The following STXBP5L variants were observed in gnomAD, a reference collection of about 807,000 sequenced individuals.
The protein encoded by STXBP5L is syntaxin-binding protein 5-like.
STXBP5L carries 65 observed loss-of-function variants against 144.5 expected under a neutral mutation model. That is an observed-to-expected ratio of 0.45 (90% CI 0.37 to 0.55). The LOEUF is 0.55. STXBP5L is among the 20% of genes least tolerant of loss of function. The pLI is 0.00. For synonymous variants in STXBP5L, 505 were observed against 469.6 expected (o/e 1.08, Z -0.97); for missense variants, 1,298 against 1,405.5 (o/e 0.92, Z 1.22).
At chr3:121,010,096 A>G (rs1028484218) in intron 3 of STXBP5L, among the ~76,000 whole-genome samples, 1 of 151,932 alleles carries the variant, frequency 6.6e-6, no homozygotes, top group Non-Finnish European at 1.5e-5. Context: ...GATTCATATC[A>G]TTTTTGGAGA....
At chr3:121,066,362 G>GTATATATATATATA (rs35546907) in intron 5 of STXBP5L, among the ~76,000 whole-genome samples, 2 of 146,136 alleles carry the variant, frequency 1.4e-5, no homozygotes, top group East Asian at 4.0e-4. Flanking sequence ...TCCTATAAGC[G>GTATATATATATATA]TATATATATA....
intron 14 of STXBP5L, among the ~76,000 whole-genome samples, chr3:121,245,533 A>G (rs2049821268): frequency 6.6e-6 from 1 of 152,110 alleles, no homozygotes; most frequent in African/African-American, 2.4e-5. Context: ...AAAAAAGTAG[A>G]ACTATATGCT....
chr3:121,293,335 G>C (rs942838030), intron 19 of STXBP5L, among the ~76,000 whole-genome samples: 1 of 152,202 alleles, frequency 6.6e-6, no homozygotes, highest in African/African-American at 2.4e-5. Flanking sequence ...CATATGGTGA[G>C]GGCTGGAAGA....
chr3:121,228,378 GA>G (rs2049189676), intron 11 of STXBP5L, among the ~76,000 whole-genome samples: 1 of 152,096 alleles, frequency 6.6e-6, no homozygotes, highest in Non-Finnish European at 1.5e-5. Context: ...GACACATAAA[GA>G]AAAGCCAAGA....
intron 10 of STXBP5L, among the ~76,000 whole-genome samples, chr3:121,213,435 C>A (rs1414385199): frequency 1.3e-5 from 2 of 152,104 alleles, no homozygotes; most frequent in Non-Finnish European, 2.9e-5. Context: ...TGAATTTTAT[C>A]AAAGGCCTTT....
At chr3:121,067,014 A>T (rs2041581311) in intron 5 of STXBP5L, among the ~76,000 whole-genome samples, 2 of 152,100 alleles carry the variant, frequency 1.3e-5, no homozygotes, top group South Asian at 4.1e-4. Flanking sequence ...TAGGGCCTGT[A>T]GTAGTTTACT....
intron 5 of STXBP5L, among the ~76,000 whole-genome samples, chr3:121,080,301 G>T (rs577273041): frequency 6.6e-5 from 10 of 152,194 alleles, no homozygotes; most frequent in Admixed American, 6.5e-4. Flanking sequence ...CTTTTAAGTG[G>T]AGTTTTTAGG....
At chr3:121,297,127 G>A (rs1056886816) in intron 19 of STXBP5L, among the ~76,000 whole-genome samples, 4 of 151,816 alleles carry the variant, frequency 2.6e-5, no homozygotes, top group African/African-American at 9.7e-5. Context: ...AAACAACAGT[G>A]GAACTTAATC....
chr3:121,065,545 G>C (rs920362762), intron 5 of STXBP5L, among the ~76,000 whole-genome samples: 1 of 152,064 alleles, frequency 6.6e-6, no homozygotes, highest in Admixed American at 6.6e-5. Flanking sequence ...TAGGAGACTA[G>C]TCATAGCTTA....
At chr3:121,102,930 G>A (rs1453553236) in intron 5 of STXBP5L, among the ~76,000 whole-genome samples, 2 of 151,896 alleles carry the variant, frequency 1.3e-5, no homozygotes, top group East Asian at 1.9e-4. Context: ...ACATACAAGT[G>A]TTCAACAAAA....
At chr3:120,971,594 T>C (rs1940259805) in intron 3 of STXBP5L, among the ~76,000 whole-genome samples, 1 of 151,794 alleles carries the variant, frequency 6.6e-6, no homozygotes, top group Non-Finnish European at 1.5e-5. Flanking sequence ...TACACGACTT[T>C]ATTCTTTTTA....
intron 5 of STXBP5L, among the ~76,000 whole-genome samples, chr3:121,077,279 A>T (rs2042058436): frequency 1.3e-5 from 2 of 152,204 alleles, no homozygotes; most frequent in South Asian, 4.1e-4. Context: ...AAGACTGGAG[A>T]TGTGTCCAGA....
intron 2 of STXBP5L, among the ~76,000 whole-genome samples, chr3:120,950,027 A>G (rs911223151): frequency 2.0e-5 from 3 of 152,020 alleles, no homozygotes; most frequent in Non-Finnish European, 4.4e-5. Context: ...ACATCAAAAC[A>G]CCATGTTCTA....
At chr3:121,295,707 T>A (rs2051624411) in intron 19 of STXBP5L, among the ~76,000 whole-genome samples, 1 of 152,144 alleles carries the variant, frequency 6.6e-6, no homozygotes, top group Non-Finnish European at 1.5e-5. Context: ...TCTGTGAACT[T>A]TTTGATTGTC....
chr3:121,123,017 T>C (rs2107857732), intron 7 of STXBP5L, among the ~76,000 whole-genome samples: 1 of 151,640 alleles, frequency 6.6e-6, no homozygotes, highest in East Asian at 1.9e-4. Flanking sequence ...TATTTAGACA[T>C]ATGAAAATAA....
intron 3 of STXBP5L, among the ~76,000 whole-genome samples, chr3:120,970,737 A>G (rs1940150775): frequency 6.6e-6 from 1 of 152,012 alleles, no homozygotes; most frequent in Non-Finnish European, 1.5e-5. Flanking sequence ...AACCATTATT[A>G]TTATTTTTTT....
intron 3 of STXBP5L, among the ~76,000 whole-genome samples, chr3:121,029,540 T>C (rs1447762326): frequency 1.3e-5 from 2 of 152,130 alleles, no homozygotes; most frequent in Non-Finnish European, 2.9e-5. Context: ...GCAAGATGGA[T>C]TAAAGACTTA....
At chr3:121,051,627 G>A (rs775217577) in intron 5 of STXBP5L, among the ~76,000 whole-genome samples, 1 of 152,098 alleles carries the variant, frequency 6.6e-6, no homozygotes, top group Admixed American at 6.6e-5. Flanking sequence ...GCCCACAAGA[G>A]AAAGCAGGAA....
chr3:120,950,081 A>G (rs912266569), intron 2 of STXBP5L, among the ~76,000 whole-genome samples: 2 of 152,076 alleles, frequency 1.3e-5, no homozygotes, highest in African/African-American at 2.4e-5. Context: ...AATAATTTAA[A>G]AAAACATTAC....
Sources: gnomAD v4.1 joint callset for allele counts (sites outside exome capture counted in the v4.1 genomes callset) on GRCh38, gnomAD v4.1.1 for gene constraint, MANE v1.5 for transcripts, NCBI Gene and HGNC (gene_info 2026-07-23, HGNC 2026-07-21) for gene names.